TRAPPC11: variants seen among roughly 807,000 people sequenced by gnomAD.
The protein encoded by TRAPPC11 is trafficking protein particle complex subunit 11.
TRAPPC11 carries 104 observed loss-of-function variants against 151.2 expected under a neutral mutation model. That is an observed-to-expected ratio of 0.69 (90% CI 0.59 to 0.81). TRAPPC11 has a LOEUF of 0.81. Ranked by LOEUF, TRAPPC11 falls within the 30% of genes least tolerant of loss-of-function variation. The probability of loss-of-function intolerance (pLI) is 0.00; values close to 1 mark genes in which losing one functional copy is unlikely to be tolerated. For synonymous variants in TRAPPC11, 456 were observed against 472.3 expected, an observed-to-expected ratio of 0.97 and a Z score of 0.45; for missense variants, 1,230 against 1,349.6, an observed-to-expected ratio of 0.91 and a Z score of 1.39.
chr4:183,709,836 C>A (rs1353829108), intron 29 of TRAPPC11, among the ~76,000 whole-genome samples: 1 of 152,064 alleles, frequency 6.6e-6, no homozygotes, highest in African/African-American at 2.4e-5. Flanking sequence ...TGTGTTTAAA[C>A]GCTTTTTAAA....
chr4:183,708,713 T>C (rs2111106418), intron 29 of TRAPPC11, 139 bp downstream of exon 29: 1 of 686,692 alleles, frequency 1.5e-6, no homozygotes, highest in South Asian at 2.0e-5. Context: ...TTTGGCAGTA[T>C]TGCTGTTCAT....
chr4:183,676,119 T>C (rs1169977210), intron 7 of TRAPPC11, among the ~76,000 whole-genome samples: 1 of 152,222 alleles, frequency 6.6e-6, no homozygotes, highest in African/African-American at 2.4e-5. Context: ...TTCCTGAATC[T>C]CAACAACTTC....
chr4:183,667,138 A>C lies in TRAPPC11; in HGVS notation c.445+8A>C, dbSNP rs752134514. 25 of 1,598,220 alleles carry C rather than the reference A, an allele frequency of 1.6e-5. No homozygotes were observed. Among genetic ancestry groups the C allele is most frequent in the Non-Finnish European group, 2.1e-5 (25 of 1,168,972 alleles). On this transcript the variant is annotated splice_region_variant and intron_variant, in intron 4 of 29. Transcript: ENST00000334690. ...AAACCCCTTTGCCCCCAGGTATCAG[A>C]AGTCTAATTAATGAATTAATTGTTT...
chr4:183,693,226 C>G (rs976228190), intron 20 of TRAPPC11, 79 bp downstream of exon 20: 1 of 1,361,288 alleles, frequency 7.3e-7, no homozygotes. Flanking sequence ...CAGAGTCTCT[C>G]TCTTGTCCAG....
rs1735766404 is a variant in TRAPPC11 at position 183,682,812 on chromosome 4, A to G, written c.1194A>G (p.Arg398=). The change falls in exon 11 of 30, where the codon CGA becomes CGG. Residue 398 remains arginine, a synonymous_variant. Coordinates refer to ENST00000334690, the MANE Select transcript of TRAPPC11 (RefSeq NM_021942.6). Reference sequence around the variant, plus strand: ...ACTTTTATGGACAAAGATCATGGCGACAAGGAATACTAAGTAAATAATTTT... The same window carrying G: ...ACTTTTATGGACAAAGATCATGGCGGCAAGGAATACTAAGTAAATAATTTT... ...VLDFYGQRSW[R]QGILSFDLSD... is the part of the protein sequence containing the mutation. 6.2e-7 allele frequency: 1 copy of G among 1,611,496 alleles called. No individual in the cohort carries two copies. Among genetic ancestry groups the G allele is most frequent in the African/African-American group, 1.3e-5 (1 of 74,904 alleles).
intron 29 of TRAPPC11, among the ~76,000 whole-genome samples, chr4:183,710,411 C>T (rs1297113545): frequency 2.0e-5 from 3 of 151,886 alleles, no homozygotes; most frequent in Non-Finnish European, 2.9e-5. Context: ...CTCAGCCTCC[C>T]GAGTAGCTGG....
intron 7 of TRAPPC11, among the ~76,000 whole-genome samples, chr4:183,677,070 G>A (rs899721699): frequency 6.6e-6 from 1 of 152,222 alleles, no homozygotes; most frequent in African/African-American, 2.4e-5. Context: ...TGGCTGACCT[G>A]TGCTGTCTTG....
chr4:183,676,225 C>G (rs1330663694), intron 7 of TRAPPC11, among the ~76,000 whole-genome samples: 1 of 151,988 alleles, frequency 6.6e-6, no homozygotes, highest in Non-Finnish European at 1.5e-5. Flanking sequence ...TCTCGGCTCA[C>G]TGCAACCTCT....
At chr4:183,684,646 G>A (rs373035634) in intron 14 of TRAPPC11, 50 bp from the exon 15 acceptor site, 21 of 1,594,358 alleles carry the variant, frequency 1.3e-5, no homozygotes, top group Admixed American at 6.9e-5. Flanking sequence ...TGAACTCTTC[G>A]AACCCTTTCT....
intron 28 of TRAPPC11, 140 bp downstream of exon 28, chr4:183,707,080 A>G: frequency 1.0e-6 from 1 of 976,702 alleles, no homozygotes. Context: ...ATTTTTAAGC[A>G]CCTTAAGTAC....
chr4:183,689,065 G>C (rs1191113327), intron 18 of TRAPPC11, among the ~76,000 whole-genome samples: 11 of 152,046 alleles, frequency 7.2e-5, no homozygotes, highest in Non-Finnish European at 1.6e-4. Flanking sequence ...TAAAGCAAGA[G>C]CATGCAATTT....
At chr4:183,672,006 G>A (rs868295128) in intron 5 of TRAPPC11, among the ~76,000 whole-genome samples, 1 of 152,194 alleles carries the variant, frequency 6.6e-6, no homozygotes, top group African/African-American at 2.4e-5. Flanking sequence ...GTGTATGTAC[G>A]TGTGCATCTT....
At chr4:183,701,833 TTTCTTCAATGTCTC>T (rs1736816958) in intron 26 of TRAPPC11, 25 bp downstream of exon 26, 1 of 1,378,216 alleles carries the variant, frequency 7.3e-7, no homozygotes. Context: ...AATCCTGTCT[TTTCTTCAATGTCTC>T]TGTTATTCTC....
At chr4:183,704,074 A>G (rs1736929802) in intron 26 of TRAPPC11, among the ~76,000 whole-genome samples, 1 of 152,174 alleles carries the variant, frequency 6.6e-6, no homozygotes, top group Admixed American at 6.5e-5. Context: ...ACTGTATTAA[A>G]TCGTGTGCAT....
At chr4:183,704,857 G>T (rs1050560240) in intron 26 of TRAPPC11, 122 bp from the exon 27 acceptor site, 2 of 495,456 alleles carry the variant, frequency 4.0e-6, no homozygotes, top group African/African-American at 3.9e-5. Flanking sequence ...TTGGGAAATG[G>T]ATAAGTAACA....
At chr4:183,665,355 A>T (rs1188350425) in intron 2 of TRAPPC11, among the ~76,000 whole-genome samples, 1 of 152,080 alleles carries the variant, frequency 6.6e-6, no homozygotes, top group Non-Finnish European at 1.5e-5. Context: ...TGGCCTCCCA[A>T]AGTGCTGGGA....
chr4:183,684,401 A>T (rs771555862), intron 14 of TRAPPC11, 42 bp downstream of exon 14: 3 of 1,543,488 alleles, frequency 1.9e-6, no homozygotes, highest in Non-Finnish European at 2.7e-6. Context: ...TATTTGGATT[A>T]TCTGAAGTGA....
chr4:183,691,187 C>T (rs921152673), intron 18 of TRAPPC11, 129 bp from the exon 19 acceptor site: 1 of 663,302 alleles, frequency 1.5e-6, no homozygotes, highest in Non-Finnish European at 2.3e-6. Flanking sequence ...ATAAAAAATA[C>T]TTCCTTTTAT....
intron 29 of TRAPPC11, among the ~76,000 whole-genome samples, chr4:183,709,431 T>G (rs1428712982): frequency 6.6e-6 from 1 of 152,174 alleles, no homozygotes; most frequent in Non-Finnish European, 1.5e-5. Flanking sequence ...TTTTTCTATC[T>G]GTATAAAAAT....
Sources: allele counts gnomAD v4.1 joint callset (sites outside exome capture counted in the v4.1 genomes callset), GRCh38; gene constraint gnomAD v4.1.1; transcripts MANE v1.5; gene names NCBI Gene and HGNC (gene_info 2026-07-23, HGNC 2026-07-21).